Variants in MVB12B observed in about 807,000 individuals in gnomAD.
MVB12B encodes the protein ESCRT-I complex subunit MVB12B.
In MVB12B, 16 loss-of-function variants were observed where a neutral mutation model predicts 41.6. That is an observed-to-expected ratio of 0.38 (90% CI 0.26 to 0.58). The LOEUF (loss-of-function observed/expected upper bound fraction) is 0.58. Among genes scored for constraint, MVB12B ranks in the 20% least tolerant of loss-of-function variants. The pLI is 0.62. For missense variants in MVB12B, 274 were observed against 380.2 expected, an observed-to-expected ratio of 0.72 and a Z score of 2.32; for synonymous variants, 133 against 139.7, an observed-to-expected ratio of 0.95 and a Z score of 0.34.
At chr9:126,438,679 C>T (rs976598016) in intron 7 of MVB12B, among the ~76,000 whole-genome samples, 3 of 152,206 alleles carry the variant, frequency 2.0e-5, no homozygotes, top group African/African-American at 7.2e-5. Context: ...AGTTTCCGTC[C>T]TTTGGGAGGA....
At chr9:126,397,777 A>T in intron 6 of MVB12B, 2 of 347,026 alleles carry the variant, frequency 5.8e-6, no homozygotes, top group Non-Finnish European at 8.1e-6. Flanking sequence ...TGAAATGTTG[A>T]TTATTCATTC....
In MVB12B at chr9:126,391,526, T is replaced by TG. The variant is rs1830951793; in HGVS notation, c.410-539dup. Among the ~76,000 whole-genome samples, 1 of 152,148 alleles carries TG rather than the reference T, an allele frequency of 6.6e-6. No individual in the cohort carries two copies. Among genetic ancestry groups the TG allele is most frequent in the African/African-American group, 2.4e-5 (1 of 41,424 alleles). On this transcript the variant is annotated intron_variant, in intron 4 of 9. Coordinates refer to ENST00000361171, the MANE Select transcript of MVB12B (RefSeq NM_033446.3). The surrounding 1 kb of genome is among the most constrained non-coding windows in gnomAD (Gnocchi z 4.4). ...GTGTCCTGGATGCCTACTGAGGTATTGATGGTGACATAACGTAGTGTCGTC... is the reference window on the plus strand; with the variant it reads ...GTGTCCTGGATGCCTACTGAGGTATTGGATGGTGACATAACGTAGTGTCGTC...
chr9:126,450,692 C>T (rs1309371897), intron 7 of MVB12B, among the ~76,000 whole-genome samples: 1 of 152,182 alleles, frequency 6.6e-6, no homozygotes, highest in Admixed American at 6.5e-5. Context: ...CTCATAGCAA[C>T]CCAAAGAGGT....
At chr9:126,483,908 TA>T (rs1833580081) in intron 8 of MVB12B, 64 bp from the exon 9 acceptor site, 2 of 1,548,612 alleles carry the variant, frequency 1.3e-6, no homozygotes, top group Admixed American at 3.4e-5. Context: ...TTGTCATGCA[TA>T]AAAGTAAGTG....
intron 7 of MVB12B, among the ~76,000 whole-genome samples, chr9:126,441,352 G>A (rs1832635598): frequency 6.6e-6 from 1 of 152,160 alleles, no homozygotes; most frequent in African/African-American, 2.4e-5. Context: ...CTTCTGTTTG[G>A]TGAACCCTGT....
chr9:126,440,252 C>A (rs1447973304), intron 7 of MVB12B, among the ~76,000 whole-genome samples: 3 of 152,182 alleles, frequency 2.0e-5, no homozygotes, highest in Admixed American at 2.0e-4. Context: ...TTTTCTCCCC[C>A]AAACTGTGCA....
At chr9:126,361,794 A>C (rs1830036272) in intron 2 of MVB12B, among the ~76,000 whole-genome samples, 1 of 151,944 alleles carries the variant, frequency 6.6e-6, no homozygotes, top group Non-Finnish European at 1.5e-5. Context: ...CACACCTGTA[A>C]TCCCAGCAGC....
chr9:126,440,276 A>C (rs1417750083), intron 7 of MVB12B, among the ~76,000 whole-genome samples: 1 of 152,178 alleles, frequency 6.6e-6, no homozygotes, highest in Non-Finnish European at 1.5e-5. Context: ...GACATGTGCT[A>C]ACTAGGCCGA....
At chr9:126,399,048 G>C (rs1462487301) in intron 6 of MVB12B, among the ~76,000 whole-genome samples, 2 of 152,340 alleles carry the variant, frequency 1.3e-5, no homozygotes, top group African/African-American at 2.4e-5. Context: ...TCCCGCAGAA[G>C]CTCCGTTATT....
intron 6 of MVB12B, 140 bp from the exon 7 acceptor site, chr9:126,421,714 T>C (rs188742594): frequency 5.8e-6 from 4 of 685,012 alleles, no homozygotes; most frequent in African/African-American, 3.6e-5. Context: ...TTATGCTTGA[T>C]TGAGAAGGAG....
rs758215079 is a variant in MVB12B, at chr9:126,395,949, A to G, written c.662+252A>G. On this transcript the variant is annotated intron_variant, in intron 6 of 9. Coordinates refer to ENST00000361171, the MANE Select transcript of MVB12B (RefSeq NM_033446.3). The surrounding 1 kb of genome is among the most constrained non-coding windows in gnomAD (Gnocchi z 4.9). ...TCTAAAATTGCAGATTATGCAACTT[A>G]AAATTGGCTCCCTATTCAAAAGAGC... 5.4e-5 allele frequency: 70 copies of G among 1,302,694 alleles called. No homozygotes were observed. The highest frequency in any genetic ancestry group is 6.7e-5 in the Non-Finnish European group (69 of 1,025,250). 80.7% of individuals were successfully genotyped at this position (1,302,694 alleles called of 1,614,324 possible).
At chr9:126,353,976 C>A (rs2118868530) in intron 2 of MVB12B, among the ~76,000 whole-genome samples, 1 of 152,296 alleles carries the variant, frequency 6.6e-6, no homozygotes, top group African/African-American at 2.4e-5. Context: ...AACAGTATAT[C>A]CAAATAGCTA....
intron 2 of MVB12B, among the ~76,000 whole-genome samples, chr9:126,363,839 C>A (rs937160179): frequency 6.6e-5 from 10 of 152,312 alleles, no homozygotes; most frequent in African/African-American, 2.4e-4. Context: ...ATTCCTCTCC[C>A]TGTGGAATTA....
rs551723392 is a variant in MVB12B at position 126,376,545 on chromosome 9, T to C, written c.205-4519T>C. 1.1e-5 allele frequency: 14 copies of C among 1,289,298 alleles called. No individual in the cohort carries two copies. The East Asian group carries it at 6.1e-4, about 56-fold the overall frequency. 79.9% of individuals were successfully genotyped at this position (1,289,298 alleles called of 1,614,324 possible). A position where few individuals can be genotyped will look rare whatever the true frequency, so the allele number is the denominator to read the frequency against. The stretch of plus-strand genomic sequence containing the variant: ...ACGAGCAGGGAGCTGGCTCAGATCG[T>C]GGGCTGGTCCACCCTGGCGCTTTCC... On this transcript the variant is annotated intron_variant, in intron 2 of 9. Coordinates refer to ENST00000361171, the MANE Select transcript of MVB12B (RefSeq NM_033446.3). The surrounding 1 kb of genome is among the most constrained non-coding windows in gnomAD (Gnocchi z 4.1).
chr9:126,466,504 C>G (rs1342167291), intron 7 of MVB12B, among the ~76,000 whole-genome samples: 1 of 152,150 alleles, frequency 6.6e-6, no homozygotes, highest in Non-Finnish European at 1.5e-5. Flanking sequence ...TGCTAGGGGG[C>G]ACACATACGC....
chr9:126,415,002 TTA>T (rs1831769976), intron 6 of MVB12B, among the ~76,000 whole-genome samples: 1 of 152,066 alleles, frequency 6.6e-6, no homozygotes, highest in Non-Finnish European at 1.5e-5. Context: ...AGTCCTGGGA[TTA>T]TAGGCATGAG....
chr9:126,426,754 G>A (rs1832189842), intron 7 of MVB12B: 1 of 152,170 alleles, frequency 6.6e-6, no homozygotes, highest in African/African-American at 2.4e-5. Context: ...CTATGTGCAG[G>A]GGATATCTAG....
chr9:126,442,193 A>G (rs1350096527), intron 7 of MVB12B, among the ~76,000 whole-genome samples: 1 of 152,220 alleles, frequency 6.6e-6, no homozygotes, highest in Non-Finnish European at 1.5e-5. Context: ...ATAAAGAATA[A>G]TGGTGCAGTT....
At chr9:126,412,096 A>G (rs1831668018) in intron 6 of MVB12B, among the ~76,000 whole-genome samples, 2 of 152,248 alleles carry the variant, frequency 1.3e-5, no homozygotes, top group South Asian at 4.1e-4. Context: ...TTCTGACACC[A>G]TTGACCAGCC....
Sources: allele counts gnomAD v4.1 joint callset (sites outside exome capture counted in the v4.1 genomes callset), GRCh38; gene constraint gnomAD v4.1.1; non-coding constraint Gnocchi (gnomAD v3.1); transcripts MANE v1.5; gene names NCBI Gene and HGNC (gene_info 2026-07-23, HGNC 2026-07-21).